The following LHFPL2 variants were observed in gnomAD, a reference collection of about 807,000 sequenced individuals.
The protein encoded by LHFPL2 is LHFPL tetraspan subfamily member 2 protein.
Under a neutral mutation model 17.5 loss-of-function variants are expected in LHFPL2, and 7 were observed. The observed-to-expected ratio is 0.40, with a 90% CI of 0.23 to 0.75. The LOEUF (loss-of-function observed/expected upper bound fraction) is 0.75. Among genes scored for constraint, LHFPL2 ranks in the 30% least tolerant of loss-of-function variants. The pLI is 0.37. For missense variants in LHFPL2, 241 were observed against 294.8 expected (o/e 0.82, Z 1.34); for synonymous variants, 134 against 116.2 (o/e 1.15, Z -0.99).
intron 3 of LHFPL2, among the ~76,000 whole-genome samples, chr5:78,538,720 T>C (rs1756019856): frequency 1.3e-5 from 2 of 152,240 alleles, no homozygotes; most frequent in Admixed American, 1.3e-4. Context: ...AAGCCACACC[T>C]GCACGGGCAC....
chr5:78,552,508 T>C (rs1756473984), intron 3 of LHFPL2, among the ~76,000 whole-genome samples: 1 of 152,158 alleles, frequency 6.6e-6, no homozygotes, highest in Non-Finnish European at 1.5e-5. Context: ...ACTAAAGGGA[T>C]TTAGCTGCTT....
intron 3 of LHFPL2, among the ~76,000 whole-genome samples, chr5:78,551,163 A>T (rs776678252): frequency 6.6e-6 from 1 of 152,250 alleles, no homozygotes; most frequent in Non-Finnish European, 1.5e-5. Flanking sequence ...CAAAGGATGG[A>T]ATAAAAGTGA....
At chr5:78,500,751 C>T (rs1287314048) in intron 4 of LHFPL2, among the ~76,000 whole-genome samples, 1 of 151,988 alleles carries the variant, frequency 6.6e-6, no homozygotes, top group Admixed American at 6.6e-5. Context: ...ATACCTTTGC[C>T]CATTAAGGTT....
At chr5:78,628,509 C>G (rs1281780459) in intron 2 of LHFPL2, among the ~76,000 whole-genome samples, 3 of 152,188 alleles carry the variant, frequency 2.0e-5, no homozygotes, top group African/African-American at 7.2e-5. Context: ...TTCCCCACCC[C>G]TCCCTGGTGC....
intron 2 of LHFPL2, among the ~76,000 whole-genome samples, chr5:78,592,599 T>TGAC (rs1321864007): frequency 1.3e-5 from 2 of 149,062 alleles, no homozygotes; most frequent in African/African-American, 5.0e-5. Flanking sequence ...TGATTACTCT[T>TGAC]CAACTTAGTG....
At chr5:78,646,004 A>G (rs75642257) in intron 1 of LHFPL2, among the ~76,000 whole-genome samples, 1 of 152,232 alleles carries the variant, frequency 6.6e-6, no homozygotes, top group Non-Finnish European at 1.5e-5. Flanking sequence ...CAAGAGAGGC[A>G]CTTATCATGT....
At chr5:78,598,668 T>G (rs1743904856) in intron 2 of LHFPL2, among the ~76,000 whole-genome samples, 1 of 152,098 alleles carries the variant, frequency 6.6e-6, no homozygotes, top group Non-Finnish European at 1.5e-5. Context: ...AACCTTACAA[T>G]GGGATTCTTT....
Position 78,575,406 on chromosome 5 carries a change from G to A in LHFPL2, c.-244-10535C>T, listed in dbSNP as rs554789690. Among the ~76,000 whole-genome samples, 384 of 152,020 alleles carry A rather than the reference G, an allele frequency of 2.5e-3. 2 individuals carry two copies. Among genetic ancestry groups the A allele is most frequent in the African/African-American group, 6.7e-3 (278 of 41,482 alleles). ...TACTAAAAATACAAAAAAATTAGCC[G>A]GGCGTGGTGGCACGCACCTGTAGTC... On this transcript the variant is annotated intron_variant, in intron 2 of 4. Transcript: ENST00000380345.
intron 3 of LHFPL2, among the ~76,000 whole-genome samples, chr5:78,554,197 C>A (rs370831445): frequency 2.0e-5 from 3 of 152,378 alleles, no homozygotes; most frequent in East Asian, 3.9e-4. Flanking sequence ...AGACACTGTG[C>A]GCGCCTGCTG....
chr5:78,578,885 T>A (rs906110018), intron 2 of LHFPL2, among the ~76,000 whole-genome samples: 2 of 152,178 alleles, frequency 1.3e-5, no homozygotes, highest in Non-Finnish European at 2.9e-5. Context: ...ACGTGATCTA[T>A]CAGCAACGTA....
At chr5:78,630,689 C>G (rs946120658) in intron 2 of LHFPL2, among the ~76,000 whole-genome samples, 1 of 152,130 alleles carries the variant, frequency 6.6e-6, no homozygotes, top group African/African-American at 2.4e-5. Context: ...TGTCTGGGAA[C>G]CTCTACTAGG....
In LHFPL2 at chr5:78,562,456, G is replaced by A. The variant is rs116695378; in HGVS notation, c.-186+2357C>T. 7.9e-3 allele frequency among the ~76,000 whole-genome samples: 1,202 copies of A among 152,150 alleles called. 13 individuals are homozygous for A. Among genetic ancestry groups the A allele is most frequent in the African/African-American group, 0.026 (1,065 of 41,528 alleles). ...CAGAAAGCAAGATCACCAACATGGCGAAACCCAGTCTCTGCTAAAAATACA... is the reference window on the plus strand; with the variant it reads ...CAGAAAGCAAGATCACCAACATGGCAAAACCCAGTCTCTGCTAAAAATACA... On this transcript the variant is annotated intron_variant, in intron 3 of 4. Coordinates refer to ENST00000380345, the MANE Select transcript of LHFPL2 (RefSeq NM_005779.3).
chr5:78,628,929 C>A (rs1745152614), intron 2 of LHFPL2, among the ~76,000 whole-genome samples: 1 of 152,120 alleles, frequency 6.6e-6, no homozygotes, highest in Non-Finnish European at 1.5e-5. Flanking sequence ...CTGAAGGGAG[C>A]CAACCAAGTC....
chr5:78,645,540 GCATACACA>G (rs750551400), intron 1 of LHFPL2, among the ~76,000 whole-genome samples: 2 of 86,206 alleles, frequency 2.3e-5, no homozygotes, highest in Non-Finnish European at 4.6e-5. Flanking sequence ...ACAGACAGAT[GCATACACA>G]CACACACACA....
intron 2 of LHFPL2, among the ~76,000 whole-genome samples, chr5:78,585,217 C>A (rs1301146877): frequency 8.5e-6 from 1 of 117,664 alleles, no homozygotes; most frequent in Non-Finnish European, 2.0e-5. Context: ...CGTTTTTAGC[C>A]GGGATGGTCT....
intron 2 of LHFPL2, among the ~76,000 whole-genome samples, chr5:78,578,589 A>G (rs971526135): frequency 2.9e-4 from 14 of 48,554 alleles, no homozygotes; most frequent in Non-Finnish European, 5.0e-4. Flanking sequence ...ATATGTGCAC[A>G]CACACACACA....
chr5:78,509,956 G>A lies in LHFPL2; in HGVS notation c.258C>T (p.Ala86=), dbSNP rs1326936955. 1.1e-5 allele frequency: 18 copies of A among 1,613,906 alleles called. No individual in the cohort carries two copies. The highest frequency in any genetic ancestry group is 1.4e-5 in the Non-Finnish European group (17 of 1,180,028). ...FQRDTLCGPY[A]ESFGEIASGF... is the part of the protein sequence containing the mutation. ...CGCTGGCGATCTCGCCGAAGCTCTC[G>A]GCGTAGGGCCCGCACAGCGTGTCCC... Residue 86 remains alanine (A), a synonymous_variant, in exon 4 of 5, where the codon GCC becomes GCT. Transcript: ENST00000380345.
chr5:78,569,567 G>A (rs776057641), intron 2 of LHFPL2, among the ~76,000 whole-genome samples: 11 of 152,182 alleles, frequency 7.2e-5, no homozygotes, highest in Non-Finnish European at 1.5e-4. Context: ...GAGTTTAACA[G>A]AACTGGGTCA....
intron 1 of LHFPL2, among the ~76,000 whole-genome samples, chr5:78,641,385 T>C (rs1364446003): frequency 2.0e-5 from 3 of 152,218 alleles, no homozygotes; most frequent in African/African-American, 7.2e-5. Flanking sequence ...AAGGAAAGAA[T>C]TGTTTCTACT....
Sources: allele counts gnomAD v4.1 joint callset (sites outside exome capture counted in the v4.1 genomes callset), GRCh38; gene constraint gnomAD v4.1.1; transcripts MANE v1.5; gene names NCBI Gene and HGNC (gene_info 2026-07-23, HGNC 2026-07-21).